Variants in GPN1 observed in about 807,000 individuals in gnomAD.
The protein encoded by GPN1 is ATP(GTP)-binding protein.
Under a neutral mutation model 55.9 loss-of-function variants are expected in GPN1, and 44 were observed. That is an observed-to-expected ratio of 0.79 (90% CI 0.62 to 1.01). The LOEUF (loss-of-function observed/expected upper bound fraction) is 1.01, where lower values mean the gene tolerates loss of function less well. Among genes scored for constraint, GPN1 ranks in the 50% least tolerant of loss-of-function variants. GPN1 has a pLI of 0.00. For missense variants in GPN1, 466 were observed against 462.8 expected, an observed-to-expected ratio of 1.01 and a Z score of -0.06; for synonymous variants, 179 against 162.5, an observed-to-expected ratio of 1.10 and a Z score of -0.77.
intron 12 of GPN1, 118 bp downstream of exon 12, chr2:27,642,637 C>T (rs1017200587): frequency 1.6e-6 from 1 of 638,100 alleles, no homozygotes. Flanking sequence ...AGTCTCGGCT[C>T]ACCACAACCT....
chr2:27,634,849 T>G lies in GPN1; in HGVS notation c.354T>G (p.Tyr118Ter). 1.3e-6 allele frequency: 2 copies of G among 1,530,688 alleles called. No homozygotes were observed. The highest frequency in any genetic ancestry group is 1.8e-6 in the Non-Finnish European group (2 of 1,103,764). 94.8% of individuals were successfully genotyped at this position (1,530,688 alleles called of 1,614,324 possible). ...TTAATGATCTTTCTTGACATAGATATGTGTTGATTGACACACCTGGACAGA... is the reference window on the plus strand; with the variant it reads ...TTAATGATCTTTCTTGACATAGATAGGTGTTGATTGACACACCTGGACAGA... ...FIEKAQNMSK[Y>*]VLIDTPGQIE... Residue 118 changes from tyrosine (Y) to a stop codon, truncating the protein, a stop_gained, in exon 6 of 14, where the codon TAT becomes TAG. Coordinates refer to ENST00000610189, the MANE Select transcript of GPN1 (RefSeq NM_007266.4). LOFTEE classifies it high-confidence loss of function.
chr2:27,642,998 C>CACACACAT (rs1674036096), intron 12 of GPN1, among the ~76,000 whole-genome samples: 1 of 150,150 alleles, frequency 6.7e-6, no homozygotes, highest in Non-Finnish European at 1.5e-5. Flanking sequence ...CACACACATA[C>CACACACAT]ATATGCATAC....
chr2:27,633,759 G>A (rs546309842), intron 5 of GPN1, among the ~76,000 whole-genome samples: 1 of 151,014 alleles, frequency 6.6e-6, no homozygotes, highest in Admixed American at 6.6e-5. Context: ...CTATAGGTGT[G>A]AGCCACTGAG....
chr2:27,629,338 G>C (rs146533897), intron 1 of GPN1, 169 bp downstream of exon 1: 2 of 1,527,066 alleles, frequency 1.3e-6, no homozygotes, highest in Non-Finnish European at 1.8e-6. Context: ...TCGGGCCCTA[G>C]CCAGGTTAAT....
chr2:27,634,205 T>G (rs1673649170), intron 5 of GPN1, among the ~76,000 whole-genome samples: 1 of 152,192 alleles, frequency 6.6e-6, no homozygotes, highest in Non-Finnish European at 1.5e-5. Context: ...TGTATATATT[T>G]AGAGAAATGT....
intron 2 of GPN1, among the ~76,000 whole-genome samples, chr2:27,630,279 T>C (rs1336128779): frequency 1.3e-5 from 2 of 152,042 alleles, no homozygotes; most frequent in Non-Finnish European, 2.9e-5. Context: ...AGAGTGAGAC[T>C]CTGTAAAGCC....
chr2:27,638,819 A>C lies in GPN1; in HGVS notation c.571-66A>C, dbSNP rs953647394. 1.0e-4 allele frequency: 134 copies of C among 1,344,622 alleles called. No homozygotes were observed. In the African/African-American group the frequency reaches 1.7e-3, roughly 17 times the overall value. 83.3% of individuals were successfully genotyped at this position (1,344,622 alleles called of 1,614,324 possible). A position where few individuals can be genotyped will look rare whatever the true frequency, so the allele number is the denominator to read the frequency against. ...GATATGTTCTTTGCTGTCAACACTTAATTAAAAGAATAAATTTTGCGTTTG... is the reference window on the plus strand; with the variant it reads ...GATATGTTCTTTGCTGTCAACACTTCATTAAAAGAATAAATTTTGCGTTTG... On this transcript the variant is annotated intron_variant, in intron 8 of 13. Transcript: ENST00000610189.
intron 3 of GPN1, chr2:27,631,301 A>G: frequency 1.9e-6 from 1 of 539,724 alleles, no homozygotes; most frequent in Non-Finnish European, 3.3e-6. Context: ...GTATGATAGG[A>G]TAACTGACAG....
intron 12 of GPN1, among the ~76,000 whole-genome samples, chr2:27,645,422 C>T (rs1001745455): frequency 6.6e-6 from 1 of 152,300 alleles, no homozygotes; most frequent in African/African-American, 2.4e-5. Context: ...CATGTTCTTC[C>T]ATATGAACTG....
At chr2:27,635,305 T>TTA in intron 7 of GPN1, 71 bp downstream of exon 7, 1 of 725,480 alleles carries the variant, frequency 1.4e-6, no homozygotes, top group Non-Finnish European at 2.3e-6. Context: ...TTCCTCTTTT[T>TTA]TTTTTTTTTT....
At chr2:27,633,755 G>T (rs1673634098) in intron 5 of GPN1, among the ~76,000 whole-genome samples, 1 of 151,108 alleles carries the variant, frequency 6.6e-6, no homozygotes, top group African/African-American at 2.4e-5. Flanking sequence ...GGAACTATAG[G>T]TGTGAGCCAC....
rs753972498 is a variant in GPN1, at chr2:27,635,144, C to A, written c.434C>A (p.Ser145Tyr). The A allele has an allele frequency of 1.3e-6, 2 of 1,580,268 alleles. No homozygotes were observed. The highest frequency in any genetic ancestry group is 2.2e-5 in the South Asian group (2 of 89,626). ...SGTIITEALA[S>Y]SFPTVVIYVM... ...TTGATTTTTTTGTGGCTTTAGGCAT[C>A]CTCATTTCCAACAGTTGTCATCTAT... The change falls in exon 7 of 14, where the codon TCC (serine) becomes TAC (tyrosine). Residue 145 changes from serine (S) to tyrosine (Y), a missense_variant. By Grantham distance (144) the Ser-to-Tyr change is moderately radical (BLOSUM62 -2). Coordinates refer to ENST00000610189, the MANE Select transcript of GPN1 (RefSeq NM_007266.4).
intron 7 of GPN1, 74 bp from the exon 8 acceptor site, chr2:27,638,136 T>A: frequency 1.2e-6 from 1 of 806,668 alleles, no homozygotes; most frequent in Non-Finnish European, 2.2e-6. Context: ...TCTTACTTAG[T>A]CCCGACATGC....
At chr2:27,633,266 A>T (rs1437140421) in intron 5 of GPN1, among the ~76,000 whole-genome samples, 1 of 152,208 alleles carries the variant, frequency 6.6e-6, no homozygotes, top group East Asian at 1.9e-4. Context: ...TAGAAGGATG[A>T]ATGGATAAAA....
rs1014901822 is a variant in GPN1 at position 27,650,333 on chromosome 2, T to C, written c.*133T>C. On this transcript the variant is annotated 3_prime_UTR_variant, in exon 14 of 14. Coordinates refer to ENST00000610189, the MANE Select transcript of GPN1 (RefSeq NM_007266.4). Reference sequence around the variant, plus strand: ...CCTCAGAGTAGCAAAGTTTCTCTTATTAGAGAAATCTTGTGACTCAGATGA... The same window carrying C: ...CCTCAGAGTAGCAAAGTTTCTCTTACTAGAGAAATCTTGTGACTCAGATGA... 1.1e-5 allele frequency: 6 copies of C among 541,228 alleles called. No homozygotes were observed. Among genetic ancestry groups the C allele is most frequent in the Admixed American group, 6.3e-5 (2 of 31,778 alleles). 33.5% of individuals were successfully genotyped at this position (541,228 alleles called of 1,614,324 possible). A position where few individuals can be genotyped will look rare whatever the true frequency, so the allele number is the denominator to read the frequency against.
intron 7 of GPN1, among the ~76,000 whole-genome samples, chr2:27,635,574 G>C (rs1673704769): frequency 6.6e-6 from 1 of 152,184 alleles, no homozygotes; most frequent in Non-Finnish European, 1.5e-5. Context: ...CCCTACACTT[G>C]GGAGGCCAAG....
chr2:27,640,131 G>C lies in GPN1; in HGVS notation c.800+6G>C. ...GCTGCCGAAGAATATGAAAGGTGAGGATAAAGGAAAATTCTATTGATGACA... is the reference window on the plus strand; with the variant it reads ...GCTGCCGAAGAATATGAAAGGTGAGCATAAAGGAAAATTCTATTGATGACA... On this transcript the variant is annotated splice_donor_region_variant and intron_variant, in intron 10 of 13. Coordinates refer to ENST00000610189, the MANE Select transcript of GPN1 (RefSeq NM_007266.4). The C allele has an allele frequency of 1.9e-6, 3 of 1,576,044 alleles. No homozygotes were observed. The highest frequency in any genetic ancestry group is 2.6e-6 in the Non-Finnish European group (3 of 1,145,704).
chr2:27,632,693 AT>A, intron 5 of GPN1, 23 bp downstream of exon 5: 1 of 1,475,118 alleles, frequency 6.8e-7, no homozygotes, highest in East Asian at 2.3e-5. Flanking sequence ...AGTAACACCC[AT>A]TTATTACTCT....
At chr2:27,631,397 G>T in intron 3 of GPN1, 1 of 438,828 alleles carries the variant, frequency 2.3e-6, no homozygotes, top group Non-Finnish European at 4.1e-6. Context: ...TCAGAAATGA[G>T]TGAGTTTAGT....
Sources: allele counts gnomAD v4.1 joint callset (sites outside exome capture counted in the v4.1 genomes callset), GRCh38; gene constraint gnomAD v4.1.1; transcripts MANE v1.5; gene names NCBI Gene and HGNC (gene_info 2026-07-23, HGNC 2026-07-21).